Variants in SGPP2 observed in about 807,000 individuals in gnomAD.
SGPP2 encodes sphingosine 1-phosphate phosphohydrolase 2.
SGPP2 carries 30 observed loss-of-function variants against 33.9 expected under a neutral mutation model. The observed-to-expected ratio is 0.89, with a 90% CI of 0.66 to 1.20. The LOEUF (loss-of-function observed/expected upper bound fraction) is 1.20. Ranked by LOEUF, SGPP2 falls within the 50% of genes most tolerant of loss-of-function variation. SGPP2 has a pLI of 0.00. For synonymous variants in SGPP2, 233 were observed against 225.0 expected (o/e 1.04, Z -0.32); for missense variants, 458 against 532.1 (o/e 0.86, Z 1.37).
intron 4 of SGPP2, among the ~76,000 whole-genome samples, chr2:222,552,976 A>G (rs151000064): frequency 4.6e-5 from 7 of 152,358 alleles, no homozygotes; most frequent in Non-Finnish European, 1.0e-4. Context: ...CAGTGTCCCA[A>G]TTCCTGTAAC....
intron 1 of SGPP2, among the ~76,000 whole-genome samples, chr2:222,427,025 CT>C (rs1697081699): frequency 6.6e-6 from 1 of 152,332 alleles, no homozygotes; most frequent in African/African-American, 2.4e-5. Context: ...CTAGCTCCCC[CT>C]GCTATAGTTT....
At chr2:222,457,696 T>A (rs1316828867) in intron 1 of SGPP2, among the ~76,000 whole-genome samples, 1 of 152,148 alleles carries the variant, frequency 6.6e-6, no homozygotes, top group Non-Finnish European at 1.5e-5. Context: ...CTGTCTACTG[T>A]CTAGGACTAC....
In SGPP2 at chr2:222,424,768, G is replaced by T; in HGVS notation, c.166G>T (p.Gly56Cys). 2 of 1,403,546 alleles carry T rather than the reference G, an allele frequency of 1.4e-6. No individual in the cohort carries two copies. Among genetic ancestry groups the T allele is most frequent in the Non-Finnish European group, 9.3e-7 (1 of 1,080,340 alleles). 86.9% of individuals were successfully genotyped at this position (1,403,546 alleles called of 1,614,324 possible). Residue 56 changes from glycine to cysteine, a missense_variant, in exon 1 of 5, where the codon GGC (glycine) becomes TGC (cysteine). Coordinates refer to ENST00000321276, the MANE Select transcript of SGPP2 (RefSeq NM_152386.4). ...GGTCGAGCATCTCCCCGCAGCCAAC[G>T]GCAAGGGCGGCGAGGCTCCGGCCAA... is the stretch of plus-strand genomic sequence containing the variant. ...PGVEHLPAAN[G>C]KGGEAPANGL...
chr2:222,461,419 G>A (rs1277790731), intron 1 of SGPP2, among the ~76,000 whole-genome samples: 5 of 152,128 alleles, frequency 3.3e-5, no homozygotes, highest in African/African-American at 1.2e-4. Context: ...CATGGAAGAC[G>A]ATTTTCCCAC....
intron 1 of SGPP2, among the ~76,000 whole-genome samples, chr2:222,425,551 A>G (rs1255450293): frequency 6.6e-6 from 1 of 152,168 alleles, no homozygotes; most frequent in Non-Finnish European, 1.5e-5. Context: ...CTTGGGGGGA[A>G]CCAGCGTGCG....
At position 222,477,774 on chromosome 2, in the gene SGPP2, A is replaced by G. The variant is rs937812516; in HGVS notation, c.378+3048A>G. Among the ~76,000 whole-genome samples, 1 of 152,082 alleles carries G rather than the reference A, an allele frequency of 6.6e-6. No homozygotes were observed. The highest frequency in any genetic ancestry group is 1.5e-5 in the Non-Finnish European group (1 of 68,014). On this transcript the variant is annotated intron_variant, in intron 2 of 4. Coordinates refer to ENST00000321276, the MANE Select transcript of SGPP2 (RefSeq NM_152386.4). This position sits in a 1 kb window ranked among gnomAD's most constrained non-coding sequence, Gnocchi z 6.0. ...CTGGGAAGACCTCTAGACTCTATAGAAGGCTGTGGCTAGGGGACACTCTCG... is the reference window on the plus strand; with the variant it reads ...CTGGGAAGACCTCTAGACTCTATAGGAGGCTGTGGCTAGGGGACACTCTCG...
chr2:222,437,673 C>T (rs545780695), intron 1 of SGPP2, among the ~76,000 whole-genome samples: 7 of 152,296 alleles, frequency 4.6e-5, no homozygotes, highest in South Asian at 2.1e-4. Flanking sequence ...CTGCTGTGCA[C>T]GACCCACTTT....
At chr2:222,489,136 G>A (rs1013767201) in intron 2 of SGPP2, among the ~76,000 whole-genome samples, 1 of 152,134 alleles carries the variant, frequency 6.6e-6, no homozygotes, top group Admixed American at 6.5e-5. Context: ...TCTAGACAAA[G>A]GAGAACATTA....
intron 2 of SGPP2, among the ~76,000 whole-genome samples, chr2:222,486,041 G>A (rs74948157): frequency 0.014 from 2,194 of 152,334 alleles, 37 homozygotes; most frequent in Middle Eastern, 0.027. Context: ...TAGAGGGCCC[G>A]GCCTCAGGGA....
chr2:222,522,338 A>G (rs923286687), intron 3 of SGPP2, among the ~76,000 whole-genome samples: 6 of 152,136 alleles, frequency 3.9e-5, no homozygotes, highest in African/African-American at 1.2e-4. Context: ...GGCTGAGATG[A>G]TTCCACCAAA....
intron 1 of SGPP2, among the ~76,000 whole-genome samples, chr2:222,455,200 C>T (rs1697553852): frequency 7.0e-6 from 1 of 143,322 alleles, no homozygotes; most frequent in Admixed American, 7.3e-5. Context: ...TGAGACCCCC[C>T]ACCACTCCAA....
intron 1 of SGPP2, among the ~76,000 whole-genome samples, chr2:222,455,760 C>T (rs758241798): frequency 6.6e-5 from 10 of 152,154 alleles, no homozygotes; most frequent in Non-Finnish European, 1.5e-4. Context: ...GAAGTTTACT[C>T]TTCTAAAATG....
intron 2 of SGPP2, among the ~76,000 whole-genome samples, chr2:222,474,930 G>T (rs1370189416): frequency 6.6e-6 from 1 of 151,902 alleles, no homozygotes. Context: ...ATTGTAGAAA[G>T]GTAAGCTGGG....
chr2:222,482,215 C>G (rs1269713534), intron 2 of SGPP2, among the ~76,000 whole-genome samples: 1 of 152,156 alleles, frequency 6.6e-6, no homozygotes, highest in African/African-American at 2.4e-5. Flanking sequence ...CCCACTCAAG[C>G]TAACTCAGGA....
chr2:222,537,645 A>G (rs1289388227), intron 4 of SGPP2, among the ~76,000 whole-genome samples: 2 of 152,230 alleles, frequency 1.3e-5, no homozygotes, highest in Non-Finnish European at 2.9e-5. Context: ...ATATGTATCA[A>G]AAGTAGTAAA....
chr2:222,460,185 C>T lies in SGPP2; in HGVS notation c.220-14383C>T, dbSNP rs149320321. Among the ~76,000 whole-genome samples, 11 of 152,330 alleles carry T rather than the reference C, an allele frequency of 7.2e-5. No individual in the cohort carries two copies. Among genetic ancestry groups the T allele is most frequent in the African/African-American group, 9.6e-5 (4 of 41,590 alleles). On this transcript the variant is annotated intron_variant, in intron 1 of 4. Transcript: ENST00000321276. This position sits in a 1 kb window ranked among gnomAD's most constrained non-coding sequence, Gnocchi z 4.3. ...GACTCACTTTCTCTGGGTTTTATCA[C>T]GTTGTTTTTGTTCCTGTGGTTTCTT...
chr2:222,522,555 G>A (rs755749427), intron 3 of SGPP2, among the ~76,000 whole-genome samples: 2 of 152,160 alleles, frequency 1.3e-5, no homozygotes, highest in Non-Finnish European at 2.9e-5. Context: ...ATTATAGTAA[G>A]ACTTAAACAG....
At chr2:222,510,188 A>G (rs542595648) in intron 2 of SGPP2, among the ~76,000 whole-genome samples, 14 of 152,376 alleles carry the variant, frequency 9.2e-5, no homozygotes, top group African/African-American at 3.1e-4. Flanking sequence ...AACAACATTT[A>G]CATACAAGTT....
rs576964007 is a variant in SGPP2 at position 222,536,549 on chromosome 2, A to C, written c.648+11516A>C. Among the ~76,000 whole-genome samples the C allele has an allele frequency of 2.0e-5, 3 of 152,226 alleles. No homozygotes were observed. The South Asian group carries it at 6.2e-4, about 32-fold the overall frequency. On this transcript the variant is annotated intron_variant, in intron 4 of 4. Transcript: ENST00000321276. ...GCAAAAATTAGCCAGGCATGGTAGC[A>C]GGCACCTGTAGTCCCAGCTACTCGG...
Sources: allele counts gnomAD v4.1 joint callset (sites outside exome capture counted in the v4.1 genomes callset), GRCh38; gene constraint gnomAD v4.1.1; non-coding constraint Gnocchi (gnomAD v3.1); transcripts MANE v1.5; gene names NCBI Gene and HGNC (gene_info 2026-07-23, HGNC 2026-07-21).